The following ITGB3BP variants were observed in gnomAD, a reference collection of about 807,000 sequenced individuals.
The protein encoded by ITGB3BP is integrin subunit beta 3 binding protein.
Under a neutral mutation model 29.1 loss-of-function variants are expected in ITGB3BP, and 27 were observed. The ratio of observed to expected loss-of-function variants is 0.93; its 90% CI spans 0.68 to 1.28. The LOEUF is 1.28. Among genes scored for constraint, ITGB3BP ranks in the 50% most tolerant of loss-of-function variants. ITGB3BP has a pLI of 0.00. For missense variants in ITGB3BP, 192 were observed against 200.2 expected (o/e 0.96, Z 0.25); for synonymous variants, 61 against 61.4 (o/e 0.99, Z 0.03).
chr1:63,508,930 TAA>T (rs1384405635), intron 1 of ITGB3BP, among the ~76,000 whole-genome samples: 1 of 152,294 alleles, frequency 6.6e-6, no homozygotes, highest in East Asian at 1.9e-4. Flanking sequence ...ATATCATATA[TAA>T]GAGCAAAATA....
intron 1 of ITGB3BP, among the ~76,000 whole-genome samples, chr1:63,519,054 C>T (rs1646395547): frequency 6.6e-6 from 1 of 152,056 alleles, no homozygotes; most frequent in Non-Finnish European, 1.5e-5. Flanking sequence ...CATATAACCC[C>T]ATAATAGTGT....
At chr1:63,520,695 C>T (rs1646425341) in intron 1 of ITGB3BP, among the ~76,000 whole-genome samples, 2 of 152,058 alleles carry the variant, frequency 1.3e-5, no homozygotes, top group African/African-American at 4.8e-5. Context: ...AAAATAAGCA[C>T]GCATAAACTC....
At chr1:63,482,649 A>AT (rs34619742) in intron 3 of ITGB3BP, among the ~76,000 whole-genome samples, 24,305 of 129,812 alleles carry the variant, frequency 0.19, 2,802 homozygotes, top group Middle Eastern at 0.3. Flanking sequence ...AACAATGTTA[A>AT]TTTTTTTTTT....
At chr1:63,487,747 T>TG (rs1461964192) in intron 3 of ITGB3BP, among the ~76,000 whole-genome samples, 6 of 152,260 alleles carry the variant, frequency 3.9e-5, no homozygotes, top group Middle Eastern at 3.4e-3. Context: ...GAACAAAACA[T>TG]CATTATGTAG....
intron 1 of ITGB3BP, among the ~76,000 whole-genome samples, chr1:63,515,265 T>A (rs1302554572): frequency 6.6e-6 from 1 of 152,144 alleles, no homozygotes; most frequent in East Asian, 1.9e-4. Context: ...AAGAAAATCT[T>A]CTGTTATCCC....
At chr1:63,449,019 T>C (rs1259843381) in intron 7 of ITGB3BP, among the ~76,000 whole-genome samples, 1 of 152,198 alleles carries the variant, frequency 6.6e-6, no homozygotes, top group Non-Finnish European at 1.5e-5. Context: ...GTTTCTGTAG[T>C]AAGCAGAACT....
At chr1:63,456,597 G>A (rs1463324127) in intron 4 of ITGB3BP, among the ~76,000 whole-genome samples, 2 of 152,156 alleles carry the variant, frequency 1.3e-5, no homozygotes, top group African/African-American at 2.4e-5. Context: ...AAGTTACTTT[G>A]CTACGAGAAA....
chr1:63,524,914 T>C (rs756583191), upstream of ITGB3BP, among the ~76,000 whole-genome samples: 1 of 152,152 alleles, frequency 6.6e-6, no homozygotes, highest in Non-Finnish European at 1.5e-5. Flanking sequence ...TTGTTATTAA[T>C]AAAGGAACAC....
chr1:63,496,641 TATC>T lies in ITGB3BP; in HGVS notation c.49-6426_49-6424del, dbSNP rs566764401. ...GGAATACTTTTTGTTGTTGTTAAAT[TATC>T]ACCACAAAAAACAGCTACTTGGAGT... On this transcript the variant is annotated intron_variant, in intron 2 of 8. Transcript: ENST00000271002. 5.9e-3 allele frequency among the ~76,000 whole-genome samples: 893 copies of T among 152,324 alleles called. 1 individual carries two copies. Among genetic ancestry groups the T allele is most frequent in the Non-Finnish European group, 9.5e-3 (648 of 68,024 alleles).
At chr1:63,507,744 C>T (rs7416440) in intron 2 of ITGB3BP, among the ~76,000 whole-genome samples, 148,456 of 152,334 alleles carry the variant, frequency 0.97, 72,448 homozygotes, top group Middle Eastern at 1. Context: ...TAAATACCAG[C>T]GTGTCTTCCA....
chr1:63,478,734 CAT>C (rs1645385068), intron 4 of ITGB3BP, 28 bp downstream of exon 4: 1 of 1,020,228 alleles, frequency 9.8e-7, no homozygotes, highest in Non-Finnish European at 1.5e-6. Context: ...GCAAGATACA[CAT>C]ATATAATTTC....
chr1:63,485,455 GTTTGTT>G (rs1645509907), intron 3 of ITGB3BP, among the ~76,000 whole-genome samples: 2 of 141,832 alleles, frequency 1.4e-5, no homozygotes, highest in Non-Finnish European at 3.1e-5. Flanking sequence ...CCCTCCAATT[GTTTGTT>G]TTTAACCTGC....
In ITGB3BP at chr1:63,455,296, A is replaced by G. The variant is rs188021037; in HGVS notation, c.255-328T>C. Among the ~76,000 whole-genome samples the G allele has an allele frequency of 2.4e-3, 371 of 152,306 alleles. 3 individuals carry two copies. The highest frequency in any genetic ancestry group is 0.01 in the Middle Eastern group (3 of 294). On this transcript the variant is annotated intron_variant, in intron 4 of 8. Coordinates refer to ENST00000271002, the MANE Select transcript of ITGB3BP (RefSeq NM_014288.5). ...TTCTTTTTAAAATAAAAAAAGTTTT[A>G]TGACTTTATTTTAAATATGAAAATA...
At chr1:63,523,385 T>C (rs1476674519), upstream of ITGB3BP, 1 of 577,668 alleles carries the variant, frequency 1.7e-6, no homozygotes, top group African/African-American at 1.9e-5. Context: ...GCACCTTCTC[T>C]CACTACTCTG....
intron 2 of ITGB3BP, among the ~76,000 whole-genome samples, chr1:63,491,874 T>G (rs1645655589): frequency 1.3e-5 from 2 of 151,990 alleles, no homozygotes; most frequent in Non-Finnish European, 2.9e-5. Context: ...AGTCTCTTTA[T>G]CGGGTGGTTA....
intron 4 of ITGB3BP, among the ~76,000 whole-genome samples, chr1:63,459,106 G>A (rs1395755008): frequency 6.6e-6 from 1 of 151,156 alleles, no homozygotes; most frequent in Non-Finnish European, 1.5e-5. Flanking sequence ...CAGTAGAATT[G>A]ACAGTCAATA....
At chr1:63,505,381 A>G (rs1251468627) in intron 2 of ITGB3BP, among the ~76,000 whole-genome samples, 6 of 151,434 alleles carry the variant, frequency 4.0e-5, no homozygotes, top group African/African-American at 1.2e-4. Context: ...TTTTTATTGC[A>G]TCTATTTGAT....
intron 4 of ITGB3BP, among the ~76,000 whole-genome samples, chr1:63,475,033 G>A (rs1475323813): frequency 6.6e-6 from 1 of 152,138 alleles, no homozygotes; most frequent in African/African-American, 2.4e-5. Context: ...GGAGAGTAGT[G>A]ACATTATCAC....
rs1424636588 is a variant in ITGB3BP, at chr1:63,490,124, G to A, written c.143C>T (p.Thr48Ile). The change falls in exon 3 of 9, where the codon ACA (threonine) becomes ATA (isoleucine). Residue 48 changes from threonine (T) to isoleucine (I), a missense_variant. Thr to Ile is a moderately conservative substitution (Grantham distance 89). Transcript: ENST00000271002. ...TCTGTGCTTTTGCTCTTCAGAACTT[G>A]TGGGAGAAGCAAATAGACTCATTTG... ...TCQMSLFASP[T>I]SSEEQKHRNG... The A allele has an allele frequency of 1.2e-6, 2 of 1,611,358 alleles. No individual in the cohort carries two copies. Among genetic ancestry groups the A allele is most frequent in the Admixed American group, 1.7e-5 (1 of 59,884 alleles).
Sources: allele counts gnomAD v4.1 joint callset (sites outside exome capture counted in the v4.1 genomes callset), GRCh38; gene constraint gnomAD v4.1.1; transcripts MANE v1.5; gene names NCBI Gene and HGNC (gene_info 2026-07-23, HGNC 2026-07-21).